The following SORCS3 variants were observed in gnomAD, a reference collection of about 807,000 sequenced individuals.
SORCS3 encodes VPS10 domain-containing receptor SorCS3.
SORCS3 carries 57 observed loss-of-function variants against 146.3 expected under a neutral mutation model. The ratio of observed to expected loss-of-function variants is 0.39; its 90% CI spans 0.31 to 0.49. The LOEUF is 0.49. Among genes scored for constraint, SORCS3 ranks in the 20% least tolerant of loss-of-function variants. The pLI is 0.92. For synonymous variants in SORCS3, 653 were observed against 618.5 expected, an observed-to-expected ratio of 1.06 and a Z score of -0.83; for missense variants, 1,341 against 1,575.5, an observed-to-expected ratio of 0.85 and a Z score of 2.52.
chr10:105,158,231 C>T (rs2056229359), intron 10 of SORCS3, among the ~76,000 whole-genome samples: 1 of 151,912 alleles, frequency 6.6e-6, no homozygotes, highest in South Asian at 2.1e-4. Context: ...TCTATTTCTT[C>T]ATCTTCTTAT....
intron 3 of SORCS3, among the ~76,000 whole-genome samples, chr10:104,941,681 A>G (rs2019321913): frequency 6.6e-6 from 1 of 152,226 alleles, no homozygotes; most frequent in African/African-American, 2.4e-5. Context: ...TTCTCTTTTC[A>G]ACAAGAACAC....
intron 5 of SORCS3, among the ~76,000 whole-genome samples, chr10:105,086,280 A>G (rs1011455336): frequency 6.6e-6 from 1 of 152,208 alleles, no homozygotes; most frequent in African/African-American, 2.4e-5. Flanking sequence ...AGACAGCTCC[A>G]TAAAGGATGA....
At chr10:104,661,708 G>T (rs1397948178) in intron 1 of SORCS3, among the ~76,000 whole-genome samples, 1 of 152,174 alleles carries the variant, frequency 6.6e-6, no homozygotes, top group African/African-American at 2.4e-5. Flanking sequence ...TAGACAGATA[G>T]ATAGATAGAT....
At chr10:105,144,911 C>T (rs1381503696) in intron 8 of SORCS3, among the ~76,000 whole-genome samples, 1 of 152,072 alleles carries the variant, frequency 6.6e-6, no homozygotes, top group Non-Finnish European at 1.5e-5. Flanking sequence ...TGGTTGACCC[C>T]ATTCAACCAT....
intron 7 of SORCS3, among the ~76,000 whole-genome samples, chr10:105,126,324 T>C (rs1424290050): frequency 6.6e-6 from 1 of 152,158 alleles, no homozygotes; most frequent in East Asian, 1.9e-4. Context: ...ACTTCTGCCC[T>C]GCAACCTCTC....
chr10:104,652,131 C>A (rs976577237), intron 1 of SORCS3, among the ~76,000 whole-genome samples: 2 of 151,370 alleles, frequency 1.3e-5, no homozygotes, highest in Non-Finnish European at 2.9e-5. Flanking sequence ...AGAGAGCCTG[C>A]AAGTATGATT....
intron 9 of SORCS3, among the ~76,000 whole-genome samples, chr10:105,153,495 GT>G (rs1172555008): frequency 6.6e-6 from 1 of 152,154 alleles, no homozygotes; most frequent in Non-Finnish European, 1.5e-5. Context: ...GTAAGTATAT[GT>G]TTATAAGAAG....
At chr10:104,776,169 C>G (rs1478055133) in intron 1 of SORCS3, among the ~76,000 whole-genome samples, 1 of 152,038 alleles carries the variant, frequency 6.6e-6, no homozygotes, top group Non-Finnish European at 1.5e-5. Context: ...AATATTCCAC[C>G]TGGAGGTGAG....
chr10:105,183,525 G>T lies in SORCS3; in HGVS notation c.2009+5352G>T, dbSNP rs144578608. Among the ~76,000 whole-genome samples the T allele has an allele frequency of 2.3e-3, 345 of 152,270 alleles. 1 individual carries two copies. Among genetic ancestry groups the T allele is most frequent in the African/African-American group, 8.0e-3 (333 of 41,554 alleles). On this transcript the variant is annotated intron_variant, in intron 14 of 26. Coordinates refer to ENST00000369701, the MANE Select transcript of SORCS3 (RefSeq NM_014978.3). The stretch of plus-strand genomic sequence containing the variant: ...TCTAGTAACTGCATCCGATAAAGTC[G>T]TTGAAAATGAACCAGAGCTGCTTCC...
At chr10:104,712,976 A>T (rs1416830372) in intron 1 of SORCS3, among the ~76,000 whole-genome samples, 1 of 152,166 alleles carries the variant, frequency 6.6e-6, no homozygotes, top group Non-Finnish European at 1.5e-5. Context: ...GGTATGTGCT[A>T]TGGGTGGGAT....
In SORCS3 at chr10:104,934,154, T is replaced by A. The variant is rs1305655015; in HGVS notation, c.795+18222T>A. ...TTTCACTCCTATTTTTAACCCCAGATGAAACTTCTGTCCCTAATTCCCAAA... is the reference window on the plus strand; with the variant it reads ...TTTCACTCCTATTTTTAACCCCAGAAGAAACTTCTGTCCCTAATTCCCAAA... On this transcript the variant is annotated intron_variant, in intron 3 of 26. Coordinates refer to ENST00000369701, the MANE Select transcript of SORCS3 (RefSeq NM_014978.3). Among the ~76,000 whole-genome samples the A allele has an allele frequency of 2.6e-5, 4 of 152,272 alleles. No homozygotes were observed. The East Asian group carries it at 7.7e-4, about 29-fold the overall frequency.
rs568537314 is a variant in SORCS3, at chr10:105,090,592, T to G, written c.1093+753T>G. ...ATATAAAAATATAATTAGCATAGAT[T>G]GAGAACAGAGCCAAATAATCTACTA... On this transcript the variant is annotated intron_variant, in intron 6 of 26. Transcript: ENST00000369701. 3.9e-5 allele frequency among the ~76,000 whole-genome samples: 6 copies of G among 152,284 alleles called. No homozygotes were observed. The East Asian group carries it at 1.2e-3, about 29-fold the overall frequency.
chr10:104,920,609 T>G (rs955918676), intron 3 of SORCS3, among the ~76,000 whole-genome samples: 3 of 152,236 alleles, frequency 2.0e-5, no homozygotes, highest in Non-Finnish European at 4.4e-5. Context: ...ATGGTAGATC[T>G]ACAGCAGCTT....
chr10:104,756,304 T>G (rs2017050257), intron 1 of SORCS3, among the ~76,000 whole-genome samples: 1 of 152,198 alleles, frequency 6.6e-6, no homozygotes, highest in Admixed American at 6.5e-5. Flanking sequence ...ATAAGAGCAC[T>G]GTCCTTCAGA....
chr10:104,829,411 G>A (rs969912275), intron 1 of SORCS3, among the ~76,000 whole-genome samples: 1 of 152,180 alleles, frequency 6.6e-6, no homozygotes, highest in African/African-American at 2.4e-5. Context: ...AGAGCATCAG[G>A]TAGAGAACAG....
chr10:104,866,290 T>C (rs1370592980), intron 2 of SORCS3, among the ~76,000 whole-genome samples: 1 of 152,156 alleles, frequency 6.6e-6, no homozygotes, highest in South Asian at 2.1e-4. Context: ...GTAAAAGACA[T>C]GTAAAGAGAT....
At chr10:104,818,071 C>T (rs755295767) in intron 1 of SORCS3, among the ~76,000 whole-genome samples, 6 of 152,150 alleles carry the variant, frequency 3.9e-5, no homozygotes, top group East Asian at 3.9e-4. Context: ...GCCCTATCTA[C>T]GTAGGTCTGT....
chr10:105,211,324 T>A (rs2056632591), intron 17 of SORCS3, 74 bp downstream of exon 17: 1 of 972,768 alleles, frequency 1.0e-6, no homozygotes, highest in South Asian at 1.3e-5. Flanking sequence ...GGAAATGCAT[T>A]GCTATTGAAT....
intron 1 of SORCS3, among the ~76,000 whole-genome samples, chr10:104,651,285 A>G (rs1330662318): frequency 6.6e-6 from 1 of 152,214 alleles, no homozygotes; most frequent in Non-Finnish European, 1.5e-5. Context: ...TCCCTAAGCC[A>G]CAGCAATCTT....
Sources: gnomAD v4.1 joint callset for allele counts (sites outside exome capture counted in the v4.1 genomes callset) on GRCh38, gnomAD v4.1.1 for gene constraint, MANE v1.5 for transcripts, NCBI Gene and HGNC (gene_info 2026-07-23, HGNC 2026-07-21) for gene names.